Variants in POLR2B observed in about 807,000 individuals in gnomAD.
POLR2B encodes the protein RNA polymerase II subunit B, also known as DNA-directed RNA polymerase II subunit RPB2.
In POLR2B, 57 loss-of-function variants were observed where a neutral mutation model predicts 144.6. The observed-to-expected ratio is 0.39, with a 90% CI of 0.32 to 0.49. The LOEUF (loss-of-function observed/expected upper bound fraction) is 0.49, where lower values mean the gene tolerates loss of function less well. POLR2B is among the 20% of genes least tolerant of loss of function. POLR2B has a pLI of 0.83. For missense variants in POLR2B, 595 were observed against 1,467.4 expected, an observed-to-expected ratio of 0.41 and a Z score of 9.71; for synonymous variants, 442 against 469.8, an observed-to-expected ratio of 0.94 and a Z score of 0.77.
intron 23 of POLR2B, 117 bp from the exon 24 acceptor site, chr4:57,030,087 A>G: frequency 1.2e-6 from 1 of 816,566 alleles, no homozygotes. Context: ...GCTAGGGTAT[A>G]AAAATTAGAG....
intron 17 of POLR2B, among the ~76,000 whole-genome samples, chr4:57,021,468 A>G (rs1723545877): frequency 6.9e-6 from 1 of 145,578 alleles, no homozygotes; most frequent in African/African-American, 2.5e-5. Flanking sequence ...GACAGATACT[A>G]TGGCTTAATG....
intron 7 of POLR2B, among the ~76,000 whole-genome samples, chr4:57,004,564 A>C (rs1005017332): frequency 2.0e-5 from 3 of 152,190 alleles, no homozygotes; most frequent in African/African-American, 7.2e-5. Context: ...AACTGAAAAC[A>C]ATCTGGCACA....
chr4:57,017,238 C>A lies in POLR2B; in HGVS notation c.2151C>A (p.Asn717Lys). Residue 717 changes from asparagine to lysine, a missense_variant, in exon 15 of 25, where the codon AAC becomes AAA. Asn to Lys is a moderately conservative substitution (Grantham distance 94). This residue lies in a region of POLR2B where 39 missense variants were observed against 174.3 expected (regional missense o/e 0.22). Coordinates refer to ENST00000314595, the MANE Select transcript of POLR2B (RefSeq NM_000938.3). The surrounding 1 kb of genome is among the most constrained non-coding windows in gnomAD (Gnocchi z 4.8). ...CTATTATTCCCTTTCCTGATCATAA[C>A]CAGGTTGGTATCACTTTTTGTCTTC... ...CASIIPFPDH[N>K]QSPRNTYQSA... 1 of 1,604,620 alleles carries A rather than the reference C, an allele frequency of 6.2e-7. No individual in the cohort carries two copies. Among genetic ancestry groups the A allele is most frequent in the Non-Finnish European group, 8.5e-7 (1 of 1,174,216 alleles).
chr4:57,022,281 A>G, intron 18 of POLR2B, 35 bp downstream of exon 18: 2 of 1,346,188 alleles, frequency 1.5e-6, no homozygotes, highest in Non-Finnish European at 2.1e-6. Flanking sequence ...ATGGAATCCA[A>G]AGTTAACTTA....
intron 6 of POLR2B, among the ~76,000 whole-genome samples, chr4:56,996,210 G>A (rs1366928192): frequency 7.5e-6 from 1 of 133,016 alleles, no homozygotes; most frequent in Non-Finnish European, 1.6e-5. Flanking sequence ...CAGTTCATGT[G>A]TGTGTGTGTG....
Position 57,022,198 on chromosome 4 carries a change from T to C in POLR2B, c.2467T>C (p.Phe823Leu). Residue 823 changes from phenylalanine (F) to leucine (L), a missense_variant, in exon 18 of 25, where the codon TTT becomes CTT. Phe to Leu is a conservative substitution (Grantham distance 22). Around this residue, in one of 9 missense-constraint regions of POLR2B, gnomAD observed 75 missense variants for 100.0 expected, o/e 0.75. Coordinates refer to ENST00000314595, the MANE Select transcript of POLR2B (RefSeq NM_000938.3). ...SYKEQESKKG[F>L]DQEEVFEKPT... ...CAAAGAACAGGAGTCTAAAAAAGGA[T>C]TTGATCAAGAAGAAGTTTTTGAGAA... is the stretch of plus-strand genomic sequence containing the variant. 1 of 1,612,940 alleles carries C rather than the reference T, an allele frequency of 6.2e-7. No homozygotes were observed. Among genetic ancestry groups the C allele is most frequent in the Non-Finnish European group, 8.5e-7 (1 of 1,179,044 alleles).
At chr4:56,979,993 T>C (rs1045089175) in intron 1 of POLR2B, among the ~76,000 whole-genome samples, 1 of 152,128 alleles carries the variant, frequency 6.6e-6, no homozygotes, top group Admixed American at 6.5e-5. Context: ...TATTTTCTTA[T>C]AGCTCTCAAT....
At chr4:56,994,910 ATTTAG>A (rs760842686) in intron 5 of POLR2B, 44 bp downstream of exon 5, 17 of 1,138,118 alleles carry the variant, frequency 1.5e-5, no homozygotes, top group Admixed American at 9.2e-5. Flanking sequence ...GGTAGTTAAA[ATTTAG>A]TTTAAAGTTG....
chr4:57,000,484 A>G (rs1038630978), intron 7 of POLR2B, among the ~76,000 whole-genome samples: 2 of 152,202 alleles, frequency 1.3e-5, no homozygotes, highest in Non-Finnish European at 2.9e-5. Flanking sequence ...CTCTTCACCC[A>G]AATTCAACAG....
At chr4:56,996,278 ATTTT>A (rs869299001) in intron 6 of POLR2B, among the ~76,000 whole-genome samples, 96 of 59,712 alleles carry the variant, frequency 1.6e-3, no homozygotes, top group African/African-American at 4.0e-3. Context: ...ATATATATAT[ATTTT>A]TTTTTTTTTT....
At chr4:56,983,368 GTTTTTTTTT>G (rs11315195) in intron 1 of POLR2B, among the ~76,000 whole-genome samples, 1 of 71,320 alleles carries the variant, frequency 1.4e-5, no homozygotes, top group African/African-American at 5.5e-5. Context: ...CTCTGCTCAG[GTTTTTTTTT>G]TTTTTTTTTT....
Position 57,017,368 on chromosome 4 carries a change from C to A in POLR2B, c.2154+127C>A. ...AAAAGGCTATTAACTCCTACGGAAT[C>A]AGTATTTGATATAATTGCTGTTGTG... On this transcript the variant is annotated intron_variant, in intron 15 of 24. Coordinates refer to ENST00000314595, the MANE Select transcript of POLR2B (RefSeq NM_000938.3). This position sits in a 1 kb window ranked among gnomAD's most constrained non-coding sequence, Gnocchi z 4.8. 2.5e-6 allele frequency: 2 copies of A among 796,484 alleles called. No homozygotes were observed. Among genetic ancestry groups the A allele is most frequent in the Non-Finnish European group, 4.1e-6 (2 of 485,762 alleles). 49.3% of individuals were successfully genotyped at this position (796,484 alleles called of 1,614,324 possible).
rs1286691534 is a variant in POLR2B at position 57,023,665 on chromosome 4, C to T, written c.2770C>T (p.Arg924Cys). Reference sequence around the variant, plus strand: ...ACTTATTTTTATATGAATTTAGGTACGCTCTGTTAGGATTCCACAGATTGG... The same window carrying T: ...ACTTATTTTTATATGAATTTAGGTATGCTCTGTTAGGATTCCACAGATTGG... ...EGYKFCKIRV[R>C]SVRIPQIGDK... Residue 924 changes from arginine to cysteine, a missense_variant, in exon 20 of 25, where the codon CGC (arginine) becomes TGC (cysteine). Physicochemically the swap from Arg to Cys is radical, Grantham distance 180 (BLOSUM62 -3). Transcript: ENST00000314595. The surrounding 1 kb of genome is among the most constrained non-coding windows in gnomAD (Gnocchi z 4.3). 6.2e-6 allele frequency: 10 copies of T among 1,611,528 alleles called. No homozygotes were observed. The highest frequency in any genetic ancestry group is 2.7e-5 in the African/African-American group (2 of 74,820).
At chr4:57,022,313 T>C in intron 18 of POLR2B, 67 bp downstream of exon 18, 1 of 984,956 alleles carries the variant, frequency 1.0e-6, no homozygotes, top group South Asian at 1.4e-5. Context: ...CTAAGTGATT[T>C]TGATGGGTTG....
intron 5 of POLR2B, among the ~76,000 whole-genome samples, 190 bp from the exon 6 acceptor site, chr4:56,995,061 G>A (rs1276691380): frequency 6.6e-6 from 1 of 152,134 alleles, no homozygotes; most frequent in Non-Finnish European, 1.5e-5. Context: ...CATGCACTGG[G>A]AATTTGGTCA....
intron 16 of POLR2B, among the ~76,000 whole-genome samples, chr4:57,018,889 G>C (rs1372957363): frequency 6.6e-6 from 1 of 152,144 alleles, no homozygotes; most frequent in Non-Finnish European, 1.5e-5. Flanking sequence ...GGGTAAAATG[G>C]TGAAGAGAAA....
chr4:57,001,628 C>T (rs1722858165), intron 7 of POLR2B, among the ~76,000 whole-genome samples: 2 of 152,190 alleles, frequency 1.3e-5, no homozygotes, highest in Admixed American at 1.3e-4. Context: ...CTTCCCAGGG[C>T]ATCTCAACAA....
chr4:56,979,921 G>A (rs1203049486), intron 1 of POLR2B, among the ~76,000 whole-genome samples: 4 of 149,932 alleles, frequency 2.7e-5, no homozygotes, highest in African/African-American at 9.8e-5. Context: ...AAAATTCTTA[G>A]TTGAGTCTAG....
chr4:57,009,048 T>C (rs945326385), intron 10 of POLR2B, among the ~76,000 whole-genome samples: 1 of 152,076 alleles, frequency 6.6e-6, no homozygotes, highest in African/African-American at 2.4e-5. Context: ...GGCAGGAAGA[T>C]TGTTGCAACA....
Sources: gnomAD v4.1 joint callset for allele counts (sites outside exome capture counted in the v4.1 genomes callset) on GRCh38, gnomAD v4.1.1 for gene constraint, gnomAD v4.1.1 regional missense constraint, Gnocchi (gnomAD v3.1) non-coding constraint, MANE v1.5 for transcripts, NCBI Gene and HGNC (gene_info 2026-07-23, HGNC 2026-07-21) for gene names.